The following PKHD1L1 variants were observed in gnomAD, a reference collection of about 807,000 sequenced individuals.
PKHD1L1 encodes the protein fibrocystin-L.
A neutral mutation model predicts 462.9 loss-of-function variants in PKHD1L1; 434 were observed. That is an observed-to-expected ratio of 0.94 (90% CI 0.87 to 1.02). The LOEUF (loss-of-function observed/expected upper bound fraction) is 1.02, where lower values mean the gene tolerates loss of function less well. PKHD1L1 is among the 50% of genes least tolerant of loss of function. PKHD1L1 has a pLI of 0.00. For synonymous variants in PKHD1L1, 1,781 were observed against 1,750.0 expected, an observed-to-expected ratio of 1.02 and a Z score of -0.44; for missense variants, 5,202 against 5,096.1, an observed-to-expected ratio of 1.02 and a Z score of -0.63.
intron 17 of PKHD1L1, among the ~76,000 whole-genome samples, chr8:109,406,681 T>A (rs1813555381): frequency 6.6e-6 from 1 of 152,196 alleles, no homozygotes; most frequent in African/African-American, 2.4e-5. Context: ...GCACTATACA[T>A]ACTACAAATG....
chr8:109,497,551 C>T (rs1251363843), intron 65 of PKHD1L1, among the ~76,000 whole-genome samples: 2 of 151,600 alleles, frequency 1.3e-5, no homozygotes, highest in Non-Finnish European at 2.9e-5. Flanking sequence ...CTCAGCCTCC[C>T]GAGTAGCTAG....
In PKHD1L1 at chr8:109,441,292, G is replaced by A. The variant is rs1448291597; in HGVS notation, c.4117G>A (p.Val1373Ile). ...CTTTCTAGGGTCCATCCCTTGCAAT[G>A]TTACATCATCATCAGAAAATGTCAT... ...TVLLGSIPCNVTSSSENVIKC... is the reference protein window; with the variant it reads ...TVLLGSIPCNITSSSENVIKC... The change falls in exon 34 of 78, where the codon GTT becomes ATT. Residue 1373 changes from valine (V) to isoleucine (I), a missense_variant. By Grantham distance (29) the Val-to-Ile change is conservative. Transcript: ENST00000378402. The A allele has an allele frequency of 1.3e-6, 2 of 1,579,840 alleles. No homozygotes were observed. Among genetic ancestry groups the A allele is most frequent in the East Asian group, 2.3e-5 (1 of 44,168 alleles).
chr8:109,430,092 A>C, intron 27 of PKHD1L1, 55 bp downstream of exon 27: 2 of 1,100,810 alleles, frequency 1.8e-6, no homozygotes, highest in Non-Finnish European at 2.7e-6. Flanking sequence ...AGCAAAATGT[A>C]AACTCTGATA....
chr8:109,528,165 T>C (rs1586673434), intron 77 of PKHD1L1, among the ~76,000 whole-genome samples: 1 of 152,038 alleles, frequency 6.6e-6, no homozygotes, highest in East Asian at 1.9e-4. Context: ...CTGTATAAAA[T>C]GTATAAGATT....
intron 2 of PKHD1L1, among the ~76,000 whole-genome samples, chr8:109,373,712 C>T (rs972680145): frequency 1.3e-5 from 2 of 152,040 alleles, no homozygotes; most frequent in African/African-American, 4.8e-5. Context: ...GTGTCTTTGT[C>T]CTCGTTGGTT....
At chr8:109,490,755 T>C (rs942790764) in intron 60 of PKHD1L1, among the ~76,000 whole-genome samples, 1 of 151,602 alleles carries the variant, frequency 6.6e-6, no homozygotes, top group African/African-American at 2.4e-5. Flanking sequence ...TAAGCATATA[T>C]ATTCAATATA....
At chr8:109,425,543 T>C (rs985099671) in intron 24 of PKHD1L1, among the ~76,000 whole-genome samples, 16 of 152,012 alleles carry the variant, frequency 1.1e-4, no homozygotes, top group Admixed American at 6.5e-5. Flanking sequence ...CCCTTAAAAA[T>C]AATATTTTTA....
At chr8:109,481,909 A>T (rs2130888985) in intron 56 of PKHD1L1, among the ~76,000 whole-genome samples, 1 of 151,934 alleles carries the variant, frequency 6.6e-6, no homozygotes, top group South Asian at 2.1e-4. Flanking sequence ...TTCTTTATGT[A>T]AGCAATACTA....
chr8:109,513,266 T>C (rs1206160454), intron 71 of PKHD1L1, among the ~76,000 whole-genome samples: 2 of 152,074 alleles, frequency 1.3e-5, no homozygotes, highest in Non-Finnish European at 2.9e-5. Flanking sequence ...GGCATCCCTG[T>C]CTTGTGCCAG....
chr8:109,382,408 T>C (rs1275543968), intron 3 of PKHD1L1, 55 bp from the exon 4 acceptor site: 2 of 1,444,996 alleles, frequency 1.4e-6, no homozygotes, highest in East Asian at 5.0e-5. Flanking sequence ...ATTAATACTA[T>C]ACACTAAATA....
Position 109,486,638 on chromosome 8 carries a change from T to C in PKHD1L1, c.9707-10T>C. The C allele has an allele frequency of 1.2e-6, 2 of 1,609,852 alleles. No homozygotes were observed. The highest frequency in any genetic ancestry group is 1.7e-6 in the Non-Finnish European group (2 of 1,177,492). ...GCATTGGCAATAATCTAGCTGCCTT[T>C]ATACTGCAGCTGAAAAATACCATGT... On this transcript the variant is annotated splice_polypyrimidine_tract_variant and intron_variant, in intron 58 of 77. Coordinates refer to ENST00000378402, the MANE Select transcript of PKHD1L1 (RefSeq NM_177531.6).
chr8:109,509,606 A>T (rs1219699249), intron 70 of PKHD1L1, among the ~76,000 whole-genome samples: 3 of 151,282 alleles, frequency 2.0e-5, no homozygotes, highest in Non-Finnish European at 4.4e-5. Flanking sequence ...AAATCACTGA[A>T]GTTTCCTTTT....
At position 109,507,798 on chromosome 8, in the gene PKHD1L1, C is replaced by G. The variant is rs1225462597; in HGVS notation, c.11130C>G (p.Asn3710Lys). 6.2e-7 allele frequency: 1 copy of G among 1,613,474 alleles called. No individual in the cohort carries two copies. The highest frequency in any genetic ancestry group is 1.7e-4 in the Middle Eastern group (1 of 6,058). ...IPQAEYEWDG[N>K]SQVGIGDYRI... Reference sequence around the variant, plus strand: ...AAGCAGAATATGAATGGGACGGAAACAGCCAAGTAGGAATTGGAGACTACA... The same window carrying G: ...AAGCAGAATATGAATGGGACGGAAAGAGCCAAGTAGGAATTGGAGACTACA... The change falls in exon 69 of 78, where the codon AAC (asparagine) becomes AAG (lysine). Residue 3710 changes from asparagine (N) to lysine (K), a missense_variant. By Grantham distance (94) the Asn-to-Lys change is moderately conservative (BLOSUM62 0). Transcript: ENST00000378402.
chr8:109,452,804 T>C lies in PKHD1L1; in HGVS notation c.6594T>C (p.Val2198=). The C allele has an allele frequency of 6.5e-7, 1 of 1,537,678 alleles. No individual in the cohort carries two copies. Residue 2198 remains valine (V), a synonymous_variant, in exon 43 of 78, where the codon GTT becomes GTC. Transcript: ENST00000378402. ...CTCCCCCAGAAGAAGGATCTCTTGTTGTTATTACAAAAGGACAGACCATTC... is the reference window on the plus strand; with the variant it reads ...CTCCCCCAGAAGAAGGATCTCTTGTCGTTATTACAAAAGGACAGACCATTC... ...GKSPPEEGSL[V]VITKGQTILL...
rs1003930061 is a variant in PKHD1L1 at position 109,459,578 on chromosome 8, T to C, written c.7005-17T>C. 4.7e-6 allele frequency: 7 copies of C among 1,484,686 alleles called. No individual in the cohort carries two copies. The highest frequency in any genetic ancestry group is 5.4e-6 in the Non-Finnish European group (6 of 1,115,994). The allele number at this position is 1,484,686 out of a possible 1,614,324, so 92.0% of individuals were successfully genotyped here. A position where few individuals can be genotyped will look rare whatever the true frequency, so the allele number is the denominator to read the frequency against. On this transcript the variant is annotated splice_polypyrimidine_tract_variant and intron_variant, in intron 46 of 77. Transcript: ENST00000378402. ...ATTTATATTAATTTTAAAATTTTTT[T>C]GTCAAAATTTTTACAGACACAGTCA...
intron 2 of PKHD1L1, among the ~76,000 whole-genome samples, chr8:109,366,568 CTAAATG>C (rs1811242134): frequency 6.6e-6 from 1 of 152,088 alleles, no homozygotes; most frequent in South Asian, 2.1e-4. Flanking sequence ...CATTGTATAC[CTAAATG>C]TTTGCGAAGA....
At chr8:109,415,864 G>GGTGTGTGTGTGTGTGT (rs552265043) in intron 21 of PKHD1L1, among the ~76,000 whole-genome samples, 2 of 100,408 alleles carry the variant, frequency 2.0e-5, no homozygotes, top group Admixed American at 1.2e-4. Flanking sequence ...AAAAAAAAGG[G>GGTGTGTGTGTGTGTGT]GTGTGTGTGT....
Position 109,400,172 on chromosome 8 carries a change from G to A in PKHD1L1, c.1109G>A (p.Gly370Asp). The change falls in exon 13 of 78, where the codon GGT becomes GAT. Residue 370 changes from glycine (G) to aspartate (D), a missense_variant. By Grantham distance (94) the Gly-to-Asp change is moderately conservative. Coordinates refer to ENST00000378402, the MANE Select transcript of PKHD1L1 (RefSeq NM_177531.6). ...AATGAAAAAACGCCTGGGTACATGGGTGCCAGTTGGGTAGATTCAGCTTCC... is the reference window on the plus strand; with the variant it reads ...AATGAAAAAACGCCTGGGTACATGGATGCCAGTTGGGTAGATTCAGCTTCC... ...EYNEKTPGYMGASWVDSASYI... is the reference protein window; with the variant it reads ...EYNEKTPGYMDASWVDSASYI... 1 of 1,613,688 alleles carries A rather than the reference G, an allele frequency of 6.2e-7. No individual in the cohort carries two copies. Among genetic ancestry groups the A allele is most frequent in the Non-Finnish European group, 8.5e-7 (1 of 1,179,694 alleles).
At chr8:109,452,005 T>C (rs1328784968) in intron 41 of PKHD1L1, 119 bp from the exon 42 acceptor site, 2 of 817,752 alleles carry the variant, frequency 2.4e-6, no homozygotes, top group Non-Finnish European at 3.6e-6. Flanking sequence ...TACACTTTGG[T>C]GGCTGATAGA....
Sources: gnomAD v4.1 joint callset for allele counts (sites outside exome capture counted in the v4.1 genomes callset) on GRCh38, gnomAD v4.1.1 for gene constraint, MANE v1.5 for transcripts, NCBI Gene and HGNC (gene_info 2026-07-23, HGNC 2026-07-21) for gene names.